Variants in ALPK1 observed in about 807,000 individuals in gnomAD.
ALPK1 encodes alpha kinase 1, also known as alpha-protein kinase 1.
A neutral mutation model predicts 120.6 loss-of-function variants in ALPK1; 110 were observed. The ratio of observed to expected loss-of-function variants is 0.91; its 90% CI spans 0.78 to 1.07. ALPK1 has a LOEUF of 1.07. Ranked by LOEUF, ALPK1 falls within the 50% of genes least tolerant of loss-of-function variation. The probability of loss-of-function intolerance (pLI) is 0.00; values close to 1 mark genes in which losing one functional copy is unlikely to be tolerated. For missense variants in ALPK1, 1,498 were observed against 1,483.9 expected (o/e 1.01, Z -0.16); for synonymous variants, 582 against 560.3 (o/e 1.04, Z -0.55).
intron 5 of ALPK1, among the ~76,000 whole-genome samples, chr4:112,418,297 G>A (rs1178494363): frequency 6.6e-6 from 1 of 152,224 alleles, no homozygotes; most frequent in Non-Finnish European, 1.5e-5. Flanking sequence ...CATCCACGGG[G>A]AGGCGCTGTG....
Position 112,411,959 on chromosome 4 carries a change from T to C in ALPK1, c.409T>C (p.Leu137=), listed in dbSNP as rs1733492889. The C allele has an allele frequency of 5.0e-6, 8 of 1,613,996 alleles. No homozygotes were observed. The South Asian group carries it at 7.7e-5, about 16-fold the overall frequency. The change falls in exon 5 of 16, where the codon TTG becomes CTG. Residue 137 remains leucine (L), a synonymous_variant. Coordinates refer to ENST00000650871, the MANE Select transcript of ALPK1 (RefSeq NM_025144.4). ...GCAGGTCGCCAAAGGTCTCCACAAG[T>C]TGCAGCCAGCCACGCCAATTGCCCC... ...LLQVAKGLHK[L]QPATPIAPQV...
At position 112,357,685 on chromosome 4, in the gene ALPK1, G is replaced by A; in HGVS notation, c.-100-19993G>A. Reference sequence around the variant, plus strand: ...GATCATCCCCAGAGGCCCCGACGGAGCCCAGTTGAGCTCCGCGTTTGACAG... The same window carrying A: ...GATCATCCCCAGAGGCCCCGACGGAACCCAGTTGAGCTCCGCGTTTGACAG... On this transcript the variant is annotated intron_variant, in intron 2 of 15. Coordinates refer to ENST00000650871, the MANE Select transcript of ALPK1 (RefSeq NM_025144.4). 2 of 1,593,708 alleles carry A rather than the reference G, an allele frequency of 1.3e-6. 1 individual carries two copies. The highest frequency in any genetic ancestry group is 2.2e-5 in the South Asian group (2 of 90,574).
At chr4:112,319,556 A>G (rs924298455) in intron 2 of ALPK1, among the ~76,000 whole-genome samples, 8 of 152,058 alleles carry the variant, frequency 5.3e-5, no homozygotes, top group Non-Finnish European at 8.8e-5. Context: ...GAATTTTAGA[A>G]TTATTTTTTC....
intron 4 of ALPK1, among the ~76,000 whole-genome samples, chr4:112,391,529 T>G (rs1006060694): frequency 3.3e-5 from 5 of 152,250 alleles, no homozygotes; most frequent in Admixed American, 2.6e-4. Flanking sequence ...TAGATGGAAT[T>G]AATTAAGTTA....
intron 5 of ALPK1, 144 bp downstream of exon 5, chr4:112,412,169 C>G: frequency 1.0e-6 from 1 of 966,652 alleles, no homozygotes. Flanking sequence ...CCTCCCCCGC[C>G]CCTGTGCCCT....
intron 4 of ALPK1, among the ~76,000 whole-genome samples, chr4:112,403,555 G>T (rs985177148): frequency 1.3e-5 from 2 of 152,182 alleles, no homozygotes; most frequent in Non-Finnish European, 2.9e-5. Flanking sequence ...GGGATGCCAG[G>T]TCCTCCAGAA....
intron 2 of ALPK1, chr4:112,359,688 G>C: frequency 4.2e-6 from 1 of 239,024 alleles, no homozygotes; most frequent in South Asian, 5.2e-5. Flanking sequence ...TGCGGCTGCA[G>C]GGCGAAGCCA....
chr4:112,360,657 G>C (rs1223832098), intron 2 of ALPK1, among the ~76,000 whole-genome samples: 1 of 152,182 alleles, frequency 6.6e-6, no homozygotes, highest in African/African-American at 2.4e-5. Flanking sequence ...GCCCTTGATA[G>C]TGATCTTTCT....
chr4:112,389,286 G>A (rs532645091), intron 4 of ALPK1, among the ~76,000 whole-genome samples: 275 of 152,138 alleles, frequency 1.8e-3, no homozygotes, highest in African/African-American at 6.2e-3. Context: ...CTTGTGATCC[G>A]CCTGCCTCAG....
At chr4:112,390,608 T>C (rs1732371060) in intron 4 of ALPK1, among the ~76,000 whole-genome samples, 1 of 152,052 alleles carries the variant, frequency 6.6e-6, no homozygotes, top group African/African-American at 2.4e-5. Context: ...GATGGATGGA[T>C]GGGTGGATGG....
At position 112,382,449 on chromosome 4, in the gene ALPK1, A is replaced by G; in HGVS notation, c.173A>G (p.Lys58Arg). Residue 58 changes from lysine to arginine, a missense_variant, in exon 4 of 16, where the codon AAG (lysine) becomes AGG (arginine). By Grantham distance (26) the Lys-to-Arg change is conservative (BLOSUM62 2). Transcript: ENST00000650871. ...CTGATCCAGGAGGCAAAGGAAATGA[A>G]GTGGCCCTTCGTGCCTGAAAAGTGG... ...RTLIQEAKEM[K>R]WPFVPEKWQY... is the part of the protein sequence containing the mutation. 6.2e-7 allele frequency: 1 copy of G among 1,614,148 alleles called. No individual in the cohort carries two copies. The highest frequency in any genetic ancestry group is 1.3e-5 in the African/African-American group (1 of 75,016).
chr4:112,439,540 T>A (rs1734935384), intron 13 of ALPK1, 146 bp from the exon 14 acceptor site: 3 of 590,392 alleles, frequency 5.1e-6, no homozygotes, highest in Non-Finnish European at 8.5e-6. Flanking sequence ...TAAAAGGTAG[T>A]TATAATTATA....
At chr4:112,320,018 A>G (rs1391613787) in intron 2 of ALPK1, among the ~76,000 whole-genome samples, 1 of 152,168 alleles carries the variant, frequency 6.6e-6, no homozygotes, top group African/African-American at 2.4e-5. Context: ...CTCATTACCA[A>G]TTTGGATGCC....
At chr4:112,426,355 A>G (rs1224669491) in intron 7 of ALPK1, 112 bp from the exon 8 acceptor site, 2 of 731,846 alleles carry the variant, frequency 2.7e-6, no homozygotes, top group African/African-American at 1.8e-5. Flanking sequence ...TTCCTAACAG[A>G]ATCTAATGAG....
intron 4 of ALPK1, among the ~76,000 whole-genome samples, chr4:112,406,945 A>G (rs1038710625): frequency 1.3e-5 from 2 of 152,018 alleles, no homozygotes; most frequent in African/African-American, 4.8e-5. Context: ...AAGCCTTAAA[A>G]ATGGGAAGTT....
intron 2 of ALPK1, among the ~76,000 whole-genome samples, chr4:112,363,671 A>G (rs1052707419): frequency 1.3e-5 from 2 of 152,222 alleles, no homozygotes; most frequent in African/African-American, 4.8e-5. Context: ...CAACAAGGCA[A>G]CAATGGATTT....
In ALPK1 at chr4:112,423,972, GAGC is replaced by G. The variant is rs1385512636; in HGVS notation, c.507_509del (p.Ser170del). 1 of 1,613,950 alleles carries G rather than the reference GAGC, an allele frequency of 6.2e-7. No individual in the cohort carries two copies. The highest frequency in any genetic ancestry group is 1.7e-5 in the Admixed American group (1 of 60,008). ...AACTTTTAAAAGCAGAGTATATTCT[GAGC>G]AGTCTAATAAGCAACAATGGAGCAA... On this transcript the variant is annotated inframe_deletion, in exon 6 of 16. Coordinates refer to ENST00000650871, the MANE Select transcript of ALPK1 (RefSeq NM_025144.4).
intron 2 of ALPK1, among the ~76,000 whole-genome samples, chr4:112,341,282 C>T (rs973098768): frequency 5.9e-5 from 9 of 152,178 alleles, no homozygotes; most frequent in African/African-American, 2.2e-4. Flanking sequence ...TGTGTGGGGG[C>T]TGCATGGCCA....
intron 2 of ALPK1, among the ~76,000 whole-genome samples, chr4:112,320,787 A>G (rs77787602): frequency 0.025 from 3,747 of 151,844 alleles, 359 homozygotes; most frequent in Admixed American, 0.17. Context: ...ACTTCCAGAG[A>G]GTTATTAATC....
Sources: allele counts gnomAD v4.1 joint callset (sites outside exome capture counted in the v4.1 genomes callset), GRCh38; gene constraint gnomAD v4.1.1; transcripts MANE v1.5; gene names NCBI Gene and HGNC (gene_info 2026-07-23, HGNC 2026-07-21).